SAMD5: variants seen among roughly 807,000 people sequenced by gnomAD.
SAMD5 encodes sterile alpha motif domain-containing protein 5.
In SAMD5, 13 loss-of-function variants were observed where a neutral mutation model predicts 11.3. The observed-to-expected ratio is 1.15, with a 90% confidence interval of 0.75 to 1.83. The LOEUF (loss-of-function observed/expected upper bound fraction) is 1.83. Ranked by LOEUF, SAMD5 falls within the 40% of genes most tolerant of loss-of-function variation. SAMD5 has a pLI of 0.00. For missense variants in SAMD5, 255 were observed against 239.1 expected (o/e 1.07, Z -0.44); for synonymous variants, 129 against 111.3 (o/e 1.16, Z -1.00).
intron 1 of SAMD5, among the ~76,000 whole-genome samples, chr6:147,670,854 G>A (rs184859919): frequency 5.9e-5 from 9 of 152,362 alleles, no homozygotes; most frequent in African/African-American, 1.9e-4. Flanking sequence ...CACCGTAGTA[G>A]CACTTTACAT....
intron 1 of SAMD5, among the ~76,000 whole-genome samples, chr6:147,548,211 C>T (rs1788715987): frequency 6.6e-6 from 1 of 152,140 alleles, no homozygotes; most frequent in Non-Finnish European, 1.5e-5. Context: ...AATAGATGAA[C>T]AGTATCCCTT....
At chr6:147,859,290 C>G in the SAMD5 span, among the ~76,000 whole-genome samples, 1 of 152,184 alleles carries the variant, frequency 6.6e-6, no homozygotes, top group Non-Finnish European at 1.5e-5. Context: ...AATTTTCTGG[C>G]TTACTTTCTA....
chr6:147,902,373 T>G, the SAMD5 span, among the ~76,000 whole-genome samples: 1 of 152,096 alleles, frequency 6.6e-6, no homozygotes, highest in Non-Finnish European at 1.5e-5. Flanking sequence ...TGAAAAATTC[T>G]TTGTTCCGCA....
At chr6:147,681,015 A>C (rs1020413999) in intron 1 of SAMD5, among the ~76,000 whole-genome samples, 1 of 152,122 alleles carries the variant, frequency 6.6e-6, no homozygotes, top group Non-Finnish European at 1.5e-5. Flanking sequence ...TCATAGAATG[A>C]ATTTGGAAAT....
At position 147,564,956 on chromosome 6, in the gene SAMD5, A is replaced by G. The variant is rs559830391; in HGVS notation, c.*500A>G. 327 of 808,528 alleles carry G rather than the reference A, an allele frequency of 4.0e-4. No individual in the cohort carries two copies. In the African/African-American group the frequency reaches 5.5e-3, roughly 14 times the overall value. 50.1% of individuals were successfully genotyped at this position (808,528 alleles called of 1,614,324 possible). A position where few individuals can be genotyped will look rare whatever the true frequency, so the allele number is the denominator to read the frequency against. On this transcript the variant is annotated 3_prime_UTR_variant, in exon 2 of 2. Coordinates refer to ENST00000367474, the MANE Select transcript of SAMD5 (RefSeq NM_001030060.3). Reference sequence around the variant, plus strand: ...TCATATAGGACCATGTTTTTATAAGATAAGATACATAATTCTATGTAGAAT... The same window carrying G: ...TCATATAGGACCATGTTTTTATAAGGTAAGATACATAATTCTATGTAGAAT...
chr6:147,686,184 A>G (rs913720972), intron 1 of SAMD5, among the ~76,000 whole-genome samples: 2 of 152,176 alleles, frequency 1.3e-5, no homozygotes, highest in Non-Finnish European at 2.9e-5. Flanking sequence ...TTTGTATATT[A>G]TTGGAATTAG....
At chr6:147,614,284 A>G (rs1057395376) in intron 1 of SAMD5, among the ~76,000 whole-genome samples, 1 of 151,700 alleles carries the variant, frequency 6.6e-6, no homozygotes, top group African/African-American at 2.4e-5. Context: ...CCTAATCAAC[A>G]TGGTGAAACC....
At chr6:147,909,622 T>TTCTCTCTCTC in the SAMD5 span, among the ~76,000 whole-genome samples, 12 of 69,758 alleles carry the variant, frequency 1.7e-4, no homozygotes, top group Non-Finnish European at 2.9e-4. Flanking sequence ...CTTTCTTTCT[T>TTCTCTCTCTC]TCTTTCTTTC....
At chr6:147,952,836 A>G in the SAMD5 span, among the ~76,000 whole-genome samples, 1 of 152,196 alleles carries the variant, frequency 6.6e-6, no homozygotes, top group Non-Finnish European at 1.5e-5. Context: ...TCTTTGAAAG[A>G]ACCTATATGA....
chr6:147,677,346 T>G (rs1235240620), intron 1 of SAMD5, among the ~76,000 whole-genome samples: 3 of 151,994 alleles, frequency 2.0e-5, no homozygotes, highest in Non-Finnish European at 4.4e-5. Context: ...GAAAGTGGTG[T>G]GGTAAGGAAC....
the SAMD5 span, among the ~76,000 whole-genome samples, chr6:147,841,371 T>TAAATA: frequency 6.6e-6 from 1 of 152,084 alleles, no homozygotes. Flanking sequence ...CAAACATAAA[T>TAAATA]AAATAAAATA....
At chr6:147,660,483 A>C (rs1306159106) in intron 1 of SAMD5, among the ~76,000 whole-genome samples, 2 of 152,116 alleles carry the variant, frequency 1.3e-5, no homozygotes, top group Non-Finnish European at 2.9e-5. Flanking sequence ...ATAGTCCTTT[A>C]GGCTTGTTAA....
chr6:147,528,357 C>T (rs1788376872), intron 1 of SAMD5, among the ~76,000 whole-genome samples: 2 of 152,244 alleles, frequency 1.3e-5, no homozygotes, highest in Admixed American at 1.3e-4. Context: ...CTTCTGAGGC[C>T]ACGTGCCCCA....
the SAMD5 span, among the ~76,000 whole-genome samples, chr6:147,796,293 A>C: frequency 6.6e-6 from 1 of 151,794 alleles, no homozygotes; most frequent in African/African-American, 2.4e-5. Context: ...ATGGCTAGCC[A>C]GTTTTCCCAG....
At chr6:147,835,486 T>C in the SAMD5 span, among the ~76,000 whole-genome samples, 1 of 152,184 alleles carries the variant, frequency 6.6e-6, no homozygotes, top group Non-Finnish European at 1.5e-5. Flanking sequence ...CCAGTCATGA[T>C]GGTCTATGCC....
chr6:147,894,059 G>A, the SAMD5 span, among the ~76,000 whole-genome samples: 1 of 151,118 alleles, frequency 6.6e-6, no homozygotes, highest in African/African-American at 2.4e-5. Context: ...TCTTTGAGGG[G>A]ATTTCTATGC....
At chr6:147,858,758 T>G in the SAMD5 span, among the ~76,000 whole-genome samples, 1 of 152,182 alleles carries the variant, frequency 6.6e-6, no homozygotes, top group Non-Finnish European at 1.5e-5. Flanking sequence ...AGCTGTGGCA[T>G]GGTGAATTCA....
At chr6:147,796,544 A>G in the SAMD5 span, among the ~76,000 whole-genome samples, 1 of 152,126 alleles carries the variant, frequency 6.6e-6, no homozygotes, top group Non-Finnish European at 1.5e-5. Context: ...TGACTTGGCG[A>G]TACAGTCTCT....
At chr6:147,670,557 T>A (rs944170738) in intron 1 of SAMD5, among the ~76,000 whole-genome samples, 2 of 152,248 alleles carry the variant, frequency 1.3e-5, no homozygotes, top group African/African-American at 4.8e-5. Flanking sequence ...CTGAATAACT[T>A]GCTGCAGCTT....
Sources: allele counts gnomAD v4.1 joint callset (sites outside exome capture counted in the v4.1 genomes callset), GRCh38; gene constraint gnomAD v4.1.1; transcripts MANE v1.5; gene names NCBI Gene and HGNC (gene_info 2026-07-23, HGNC 2026-07-21).